Variants in GRB2 observed in about 807,000 individuals in gnomAD.
GRB2 encodes growth factor receptor-bound protein 2.
Under a neutral mutation model 27.4 loss-of-function variants are expected in GRB2, and 2 were observed. The ratio of observed to expected loss-of-function variants is 0.07; its 90% CI spans 0.03 to 0.23. The LOEUF (loss-of-function observed/expected upper bound fraction) is 0.23. GRB2 is among the 10% of genes least tolerant of loss of function. GRB2 has a pLI of 1.00. For synonymous variants in GRB2, 94 were observed against 99.6 expected, an observed-to-expected ratio of 0.94 and a Z score of 0.33; for missense variants, 102 against 282.4, an observed-to-expected ratio of 0.36 and a Z score of 4.58.
intron 2 of GRB2, among the ~76,000 whole-genome samples, chr17:75,375,778 C>G (rs2078888665): frequency 6.6e-6 from 1 of 152,104 alleles, no homozygotes; most frequent in South Asian, 2.1e-4. Flanking sequence ...GTAATCCCAA[C>G]ACTTTGGGAG....
At chr17:75,342,086 A>G (rs1289533990) in intron 2 of GRB2, among the ~76,000 whole-genome samples, 4 of 152,168 alleles carry the variant, frequency 2.6e-5, no homozygotes, top group Admixed American at 2.6e-4. Flanking sequence ...GAAATCTTTC[A>G]AAATTCAGTT....
chr17:75,329,419 A>G (rs2078524159), intron 3 of GRB2, among the ~76,000 whole-genome samples: 1 of 152,206 alleles, frequency 6.6e-6, no homozygotes, highest in Non-Finnish European at 1.5e-5. Context: ...CTGGTGTCAC[A>G]TAGACATGGC....
At chr17:75,353,978 T>G (rs1385256154) in intron 2 of GRB2, among the ~76,000 whole-genome samples, 12 of 150,260 alleles carry the variant, frequency 8.0e-5, no homozygotes, top group Non-Finnish European at 1.6e-4. Context: ...AGGCGGAGGT[T>G]GCAGTGAGCC....
At chr17:75,323,067 C>A (rs1029068822) in intron 4 of GRB2, among the ~76,000 whole-genome samples, 12 of 148,880 alleles carry the variant, frequency 8.1e-5, no homozygotes, top group African/African-American at 2.7e-4. Context: ...TGCAGTGAGC[C>A]GAGATTGGGC....
At chr17:75,382,460 G>A (rs2078935324) in intron 2 of GRB2, among the ~76,000 whole-genome samples, 1 of 152,140 alleles carries the variant, frequency 6.6e-6, no homozygotes, top group Non-Finnish European at 1.5e-5. Context: ...ATTTATATAG[G>A]TTCAGCATCC....
intron 3 of GRB2, among the ~76,000 whole-genome samples, chr17:75,332,297 C>T (rs1373757863): frequency 2.6e-5 from 4 of 152,084 alleles, no homozygotes; most frequent in African/African-American, 9.7e-5. Flanking sequence ...TGCCAAGCAC[C>T]GTACTCTGGG....
intron 2 of GRB2, among the ~76,000 whole-genome samples, chr17:75,382,708 T>TTTAC (rs1206566503): frequency 6.6e-6 from 1 of 151,728 alleles, no homozygotes; most frequent in Non-Finnish European, 1.5e-5. Context: ...AAGATTTTTA[T>TTTAC]TTATTTATTT....
intron 2 of GRB2, among the ~76,000 whole-genome samples, chr17:75,356,026 G>A (rs2078730903): frequency 6.6e-6 from 1 of 151,572 alleles, no homozygotes; most frequent in Non-Finnish European, 1.5e-5. Flanking sequence ...TAGAATCAGG[G>A]TGTCACCATG....
At position 75,393,562 on chromosome 17, in the gene GRB2, C is replaced by T. The variant is rs1264906633; in HGVS notation, c.67G>A (p.Asp23Asn). Residue 23 changes from aspartate to asparagine, a missense_variant, in exon 2 of 6, where the codon GAC becomes AAC. Asp to Asn is a conservative substitution (Grantham distance 23). Transcript: ENST00000316804. ...GCATCAGCACTTACCTTGAGGATGT[C>T]CCCCCTTTTGAAGCTCAGCTCGTCG... ...ADDELSFKRG[D>N]ILKVLNEECD... The T allele has an allele frequency of 6.2e-7, 1 of 1,613,294 alleles. No individual in the cohort carries two copies. The highest frequency in any genetic ancestry group is 8.5e-7 in the Non-Finnish European group (1 of 1,179,172).
chr17:75,385,122 T>C (rs754615135), intron 2 of GRB2, among the ~76,000 whole-genome samples: 44 of 149,870 alleles, frequency 2.9e-4, no homozygotes, highest in Non-Finnish European at 4.9e-4. Context: ...ACAGCTGTAG[T>C]CCCACCTATT....
At position 75,319,970 on chromosome 17, in the gene GRB2, A is replaced by G. The variant is rs1310650873; in HGVS notation, c.*398T>C. Reference sequence around the variant, plus strand: ...CAGCTGTTCTTCTTTCAGTCATTCCAACTAAAACAGACATTTTGCATAGAG... The same window carrying G: ...CAGCTGTTCTTCTTTCAGTCATTCCGACTAAAACAGACATTTTGCATAGAG... On this transcript the variant is annotated 3_prime_UTR_variant, in exon 6 of 6. Coordinates refer to ENST00000316804, the MANE Select transcript of GRB2 (RefSeq NM_002086.5). The G allele has an allele frequency of 6.0e-6, 1 of 166,780 alleles. No individual in the cohort carries two copies. The highest frequency in any genetic ancestry group is 1.6e-4 in the East Asian group (1 of 6,368). The allele number at this position is 166,780 out of a possible 1,614,324, so 10.3% of individuals were successfully genotyped here.
intron 1 of GRB2, among the ~76,000 whole-genome samples, chr17:75,399,039 C>T (rs757009376): frequency 1.1e-4 from 16 of 152,022 alleles, no homozygotes; most frequent in Non-Finnish European, 1.8e-4. Context: ...TGAGCCACTG[C>T]GCCCAGCCTA....
chr17:75,330,657 G>C (rs898181669), intron 3 of GRB2, among the ~76,000 whole-genome samples: 2 of 151,350 alleles, frequency 1.3e-5, no homozygotes, highest in Admixed American at 6.6e-5. Context: ...CTGGGCAACA[G>C]AGCAGGATTC....
At position 75,346,231 on chromosome 17, in the gene GRB2, T is replaced by C. The variant is rs567796695; in HGVS notation, c.79-13434A>G. ...TATATTGGCTGGGCACAGTGGCTGA[T>C]GCCTGTAATCCCAGCACTTTGGGAT... On this transcript the variant is annotated intron_variant, in intron 2 of 5. Coordinates refer to ENST00000316804, the MANE Select transcript of GRB2 (RefSeq NM_002086.5). Among the ~76,000 whole-genome samples, 4 of 151,046 alleles carry C rather than the reference T, an allele frequency of 2.6e-5. No individual in the cohort carries two copies. In the South Asian group the frequency reaches 8.4e-4, roughly 32 times the overall value.
At chr17:75,354,655 T>G (rs570296638) in intron 2 of GRB2, among the ~76,000 whole-genome samples, 1 of 152,022 alleles carries the variant, frequency 6.6e-6, no homozygotes, top group Non-Finnish European at 1.5e-5. Flanking sequence ...AGCAAAAAGG[T>G]TGGGGACTGC....
chr17:75,334,019 G>A (rs893169144), intron 2 of GRB2, among the ~76,000 whole-genome samples: 1 of 152,172 alleles, frequency 6.6e-6, no homozygotes, highest in African/African-American at 2.4e-5. Context: ...GCTGTAATGT[G>A]TAGAGTAATA....
intron 2 of GRB2, among the ~76,000 whole-genome samples, chr17:75,385,226 G>A (rs2078956696): frequency 6.6e-6 from 1 of 151,886 alleles, no homozygotes; most frequent in African/African-American, 2.4e-5. Flanking sequence ...GGGTGACAGA[G>A]CAAGACCCTG....
intron 2 of GRB2, among the ~76,000 whole-genome samples, chr17:75,334,030 C>T (rs2078559095): frequency 6.6e-6 from 1 of 152,176 alleles, no homozygotes; most frequent in South Asian, 2.1e-4. Flanking sequence ...TAGAGTAATA[C>T]AGTAGTCCTC....
At chr17:75,366,157 G>A (rs142154926) in intron 2 of GRB2, among the ~76,000 whole-genome samples, 688 of 150,774 alleles carry the variant, frequency 4.6e-3, no homozygotes, top group African/African-American at 0.016. Context: ...AAATTTCAGA[G>A]CAGAACTTGG....
Sources: gnomAD v4.1 joint callset for allele counts (sites outside exome capture counted in the v4.1 genomes callset) on GRCh38, gnomAD v4.1.1 for gene constraint, MANE v1.5 for transcripts, NCBI Gene and HGNC (gene_info 2026-07-23, HGNC 2026-07-21) for gene names.